ATXN8OS: variants seen among roughly 807,000 people sequenced by gnomAD.
ATXN8OS encodes ATXN8 opposite strand lncRNA, also known as ATXN8 opposite strand (non-protein coding).
chr13:70,124,654 A>C (rs1224895712), intron 2 of ATXN8OS, among the ~76,000 whole-genome samples: 4 of 152,036 alleles, frequency 2.6e-5, no homozygotes, highest in African/African-American at 9.7e-5. Context: ...GTAGCACTCA[A>C]TCCCCTTGTT....
intron 3 of ATXN8OS, chr13:70,139,374 ACTACTACTACTG>A (rs1189086013): frequency 1.5e-6 from 1 of 648,834 alleles, no homozygotes; most frequent in Non-Finnish European, 2.5e-6. Context: ...TACTACTACT[ACTACTACTACTG>A]CTGCTGCTGC....
At chr13:70,139,297 C>G in intron 3 of ATXN8OS, 1 of 537,144 alleles carries the variant, frequency 1.9e-6, no homozygotes, top group South Asian at 3.2e-5. Flanking sequence ...GGCTGAAGCC[C>G]TATTCCCAAT....
In ATXN8OS at chr13:70,171,318, A is replaced by C. The variant is rs1398388216; in HGVS notation, n.2139A>C. ...GTTACAGTTCATTATGTACAGAGAA[A>C]CCTTTGGGCGTAACTTTAAGGAAGA... On this transcript the variant is annotated non_coding_transcript_exon_variant, in exon 5 of 5. Transcript: ENST00000678624. Among the ~76,000 whole-genome samples the C allele has an allele frequency of 2.6e-5, 4 of 152,186 alleles. No homozygotes were observed. The East Asian group carries it at 7.7e-4, about 29-fold the overall frequency.
intron 4 of ATXN8OS, among the ~76,000 whole-genome samples, chr13:70,151,781 G>T (rs1033586262): frequency 2.0e-5 from 3 of 152,050 alleles, no homozygotes; most frequent in African/African-American, 4.8e-5. Context: ...GAAGTCATCC[G>T]TAATAACTCC....
intron 4 of ATXN8OS, among the ~76,000 whole-genome samples, chr13:70,155,005 C>T (rs1205569188): frequency 6.6e-6 from 1 of 152,204 alleles, no homozygotes; most frequent in Non-Finnish European, 1.5e-5. Context: ...TTCAAGCTAG[C>T]CAACCCCCTT....
chr13:70,143,962 G>T (rs1270310491), intron 3 of ATXN8OS, among the ~76,000 whole-genome samples: 1 of 151,840 alleles, frequency 6.6e-6, no homozygotes, highest in African/African-American at 2.4e-5. Context: ...TAGCCAAAGC[G>T]GTATGTAAAT....
chr13:70,143,670 T>C (rs1029471224), intron 3 of ATXN8OS, among the ~76,000 whole-genome samples: 2 of 152,190 alleles, frequency 1.3e-5, no homozygotes, highest in Admixed American at 6.5e-5. Context: ...TTATATTTTC[T>C]GCACATAAAT....
chr13:70,161,804 A>G lies in ATXN8OS; in HGVS notation n.574-7949A>G, dbSNP rs772394509. ...AAATCATAGGATGTACAATGCAAACAATGAATCCTAATGTAGGTTATAGAA... is the reference window on the plus strand; with the variant it reads ...AAATCATAGGATGTACAATGCAAACGATGAATCCTAATGTAGGTTATAGAA... On this transcript the variant is annotated intron_variant and non_coding_transcript_variant, in intron 4 of 4. Coordinates refer to ENST00000678624, the Ensembl canonical transcript of ATXN8OS. Among the ~76,000 whole-genome samples the G allele has an allele frequency of 6.6e-5, 10 of 152,022 alleles. 1 individual carries two copies. The South Asian group carries it at 1.0e-3, about 16-fold the overall frequency.
chr13:70,143,869 T>G lies in ATXN8OS; in HGVS notation n.500-3486T>G, dbSNP rs113281799. ...TTCACAAAGTGTGTTGACATGGAAATTAATAGCTATATTTTAAAATGATTT... is the reference window on the plus strand; with the variant it reads ...TTCACAAAGTGTGTTGACATGGAAAGTAATAGCTATATTTTAAAATGATTT... On this transcript the variant is annotated intron_variant and non_coding_transcript_variant, in intron 3 of 4. Transcript: ENST00000678624. Among the ~76,000 whole-genome samples, 751 of 152,268 alleles carry G rather than the reference T, an allele frequency of 4.9e-3. 5 individuals are homozygous for G. The highest frequency in any genetic ancestry group is 0.017 in the African/African-American group (718 of 41,572).
chr13:70,122,706 T>G (rs562595461), intron 2 of ATXN8OS, among the ~76,000 whole-genome samples: 3 of 151,964 alleles, frequency 2.0e-5, no homozygotes, highest in Non-Finnish European at 4.4e-5. Flanking sequence ...TAAAACGTAA[T>G]AGAATTCAAC....
chr13:70,156,469 AAAT>A (rs1009337924), intron 4 of ATXN8OS, among the ~76,000 whole-genome samples: 13 of 152,112 alleles, frequency 8.5e-5, no homozygotes, highest in Non-Finnish European at 1.3e-4. Flanking sequence ...AAACTATAAG[AAAT>A]AATATTATAT....
chr13:70,135,031 T>A (rs953032941), intron 3 of ATXN8OS, among the ~76,000 whole-genome samples: 1 of 152,136 alleles, frequency 6.6e-6, no homozygotes, highest in South Asian at 2.1e-4. Flanking sequence ...TGAGCAGAAA[T>A]CAAAGACTGC....
chr13:70,112,919 A>ATATATATATAT lies in ATXN8OS; in HGVS notation n.241-2222_241-2221insTATATATATAT, dbSNP rs3072593. Among the ~76,000 whole-genome samples, 92 of 123,006 alleles carry ATATATATATAT rather than the reference A, an allele frequency of 7.5e-4. 2 individuals carry two copies. The highest frequency in any genetic ancestry group is 1.9e-3 in the East Asian group (8 of 4,184). The allele number at this position is 123,006 out of a possible 152,430, so 80.7% of individuals were successfully genotyped here. On this transcript the variant is annotated intron_variant and non_coding_transcript_variant, in intron 1 of 4. Transcript: ENST00000678624. ...CACTGCTGAGGGACTTTATATATATAATTTTTTTTTTTTTTTTTTTTGAGA... is the reference window on the plus strand; with the variant it reads ...CACTGCTGAGGGACTTTATATATATATATATATATATATTTTTTTTTTTTTTTTTTTTGAGA...
chr13:70,153,859 C>G (rs1366426262), intron 4 of ATXN8OS, among the ~76,000 whole-genome samples: 1 of 151,862 alleles, frequency 6.6e-6, no homozygotes, highest in Non-Finnish European at 1.5e-5. Flanking sequence ...TTTTTTCTTT[C>G]TATTTTTTGT....
At chr13:70,147,472 A>C (rs1888801069) in intron 4 of ATXN8OS, among the ~76,000 whole-genome samples, 2 of 152,084 alleles carry the variant, frequency 1.3e-5, no homozygotes, top group East Asian at 3.9e-4. Flanking sequence ...TACTCTCTTC[A>C]GTGTTTTCTT....
intron 3 of ATXN8OS, chr13:70,129,900 G>A (rs2137482410): frequency 2.5e-6 from 1 of 398,414 alleles, no homozygotes; most frequent in Middle Eastern, 6.3e-4. Context: ...AACATCAAAA[G>A]GTTGTACTGG....
At chr13:70,154,082 T>C (rs1422300456) in intron 4 of ATXN8OS, among the ~76,000 whole-genome samples, 1 of 152,216 alleles carries the variant, frequency 6.6e-6, no homozygotes, top group African/African-American at 2.4e-5. Flanking sequence ...TGTGACATCC[T>C]AGGCATTACA....
At chr13:70,169,591 C>G (rs1303264281) in intron 4 of ATXN8OS, among the ~76,000 whole-genome samples, 8 of 152,022 alleles carry the variant, frequency 5.3e-5, no homozygotes, top group Non-Finnish European at 8.8e-5. Context: ...CGGCGCCCAG[C>G]CAGAAAACAT....
intron 2 of ATXN8OS, among the ~76,000 whole-genome samples, chr13:70,125,325 A>T (rs1228818107): frequency 1.3e-5 from 2 of 152,160 alleles, no homozygotes; most frequent in African/African-American, 4.8e-5. Flanking sequence ...CTACTTGTCA[A>T]TATATTTTGA....
Sources: allele counts gnomAD v4.1 joint callset (sites outside exome capture counted in the v4.1 genomes callset), GRCh38; gene constraint gnomAD v4.1.1; transcripts MANE v1.5; gene names NCBI Gene and HGNC (gene_info 2026-07-23, HGNC 2026-07-21).